Variants in SLC39A11 observed in about 807,000 individuals in gnomAD.
SLC39A11 encodes the protein solute carrier family 39 member 11.
Under a neutral mutation model 36.1 loss-of-function variants are expected in SLC39A11, and 33 were observed. That is an observed-to-expected ratio of 0.91 (90% CI 0.69 to 1.22). SLC39A11 has a LOEUF of 1.22. Among genes scored for constraint, SLC39A11 ranks in the 50% most tolerant of loss-of-function variants. SLC39A11 has a pLI of 0.00. For synonymous variants in SLC39A11, 166 were observed against 170.3 expected (o/e 0.97, Z 0.20); for missense variants, 432 against 430.3 (o/e 1.00, Z -0.03).
chr17:73,060,985 G>A (rs1344225762), intron 3 of SLC39A11, among the ~76,000 whole-genome samples: 1 of 152,144 alleles, frequency 6.6e-6, no homozygotes, highest in African/African-American at 2.4e-5. Context: ...ATATAGTTTT[G>A]TCTTCAAGGA....
intron 3 of SLC39A11, among the ~76,000 whole-genome samples, chr17:73,040,360 C>A (rs1444588072): frequency 6.6e-6 from 1 of 152,170 alleles, no homozygotes. Context: ...TGGTCTAAGT[C>A]TCTGAATAAA....
At chr17:72,678,894 G>A (rs1488013557) in intron 7 of SLC39A11, among the ~76,000 whole-genome samples, 4 of 152,128 alleles carry the variant, frequency 2.6e-5, no homozygotes, top group East Asian at 3.8e-4. Flanking sequence ...GAGAAAAATG[G>A]ATAAAGAAAA....
At chr17:73,034,411 A>G (rs1222619565) in intron 3 of SLC39A11, among the ~76,000 whole-genome samples, 1 of 152,190 alleles carries the variant, frequency 6.6e-6, no homozygotes, top group African/African-American at 2.4e-5. Context: ...TAGTAGAGAC[A>G]GGGTTTTGCC....
intron 6 of SLC39A11, among the ~76,000 whole-genome samples, chr17:72,802,590 C>CAAAAA (rs56050103): frequency 3.5e-5 from 4 of 112,738 alleles, no homozygotes; most frequent in Admixed American, 9.3e-5. Context: ...AACTCCATCT[C>CAAAAA]AAAAAAAAAA....
At chr17:72,805,649 A>G (rs952318810) in intron 6 of SLC39A11, among the ~76,000 whole-genome samples, 4 of 152,182 alleles carry the variant, frequency 2.6e-5, no homozygotes, top group Admixed American at 6.5e-5. Context: ...TACCTGATCA[A>G]TTCTTGTCAG....
chr17:72,977,068 G>A (rs909338621), intron 4 of SLC39A11, among the ~76,000 whole-genome samples: 4 of 152,234 alleles, frequency 2.6e-5, no homozygotes, highest in South Asian at 2.1e-4. Flanking sequence ...AAGATTACCC[G>A]GTTGGGCCTG....
rs117072614 is a variant in SLC39A11 at position 73,092,513 on chromosome 17, T to C, written c.-12+98A>G. ...GGCGTACCCCCTTCCAAGCTCCAGG[T>C]GGCTGCCCTTCCAAGTCCCACACTC... On this transcript the variant is annotated intron_variant, in intron 1 of 9. Coordinates refer to ENST00000255559, the MANE Select transcript of SLC39A11 (RefSeq NM_139177.4). 981 of 147,658 alleles carry C rather than the reference T, an allele frequency of 6.6e-3. 31 individuals are homozygous for C. In the South Asian group the frequency reaches 0.077, roughly 12 times the overall value. The allele number at this position is 147,658 out of a possible 1,614,324, so 9.1% of individuals were successfully genotyped here.
At chr17:72,969,515 A>G (rs1435088235) in intron 4 of SLC39A11, among the ~76,000 whole-genome samples, 1 of 152,112 alleles carries the variant, frequency 6.6e-6, no homozygotes, top group Non-Finnish European at 1.5e-5. Context: ...GAACCTTGAG[A>G]TGCCAACAAT....
intron 6 of SLC39A11, among the ~76,000 whole-genome samples, chr17:72,783,004 CAAAAAAAAAAA>C (rs34750819): frequency 3.7e-5 from 3 of 81,010 alleles, no homozygotes; most frequent in African/African-American, 1.3e-4. Flanking sequence ...TCTGTCTCAA[CAAAAAAAAAAA>C]AAAAAAAGAA....
rs181598372 is a variant in SLC39A11 at position 72,728,367 on chromosome 17, A to G, written c.671+8283T>C. 4.3e-4 allele frequency among the ~76,000 whole-genome samples: 66 copies of G among 152,172 alleles called. No individual in the cohort carries two copies. The South Asian group carries it at 6.6e-3, about 15-fold the overall frequency. ...TGAGGTGGGAGGATCGCTTGAGCCC[A>G]GGGGGTCGAGGGTGCAGTGAGCCAT... On this transcript the variant is annotated intron_variant, in intron 7 of 9. Transcript: ENST00000255559.
intron 6 of SLC39A11, among the ~76,000 whole-genome samples, chr17:72,845,235 C>T (rs2078998077): frequency 6.6e-6 from 1 of 152,216 alleles, no homozygotes; most frequent in African/African-American, 2.4e-5. Context: ...TGGCTCATCA[C>T]ACACAGAGCA....
In SLC39A11 at chr17:72,826,600, T is replaced by C. The variant is rs76768518; in HGVS notation, c.601+23034A>G. On this transcript the variant is annotated intron_variant, in intron 6 of 9. Coordinates refer to ENST00000255559, the MANE Select transcript of SLC39A11 (RefSeq NM_139177.4). ...TGTTTATAAACTTCCTGACATTTTA[T>C]ATAATATATCATAATTATGCATATC... 8.9e-4 allele frequency among the ~76,000 whole-genome samples: 136 copies of C among 152,340 alleles called. 1 individual carries two copies. The East Asian group carries it at 0.024, about 27-fold the overall frequency.
chr17:72,908,527 C>T (rs1219398527), intron 5 of SLC39A11, among the ~76,000 whole-genome samples: 1 of 152,308 alleles, frequency 6.6e-6, no homozygotes, highest in African/African-American at 2.4e-5. Context: ...GAGAACTGTC[C>T]AGAGAGCCCC....
intron 5 of SLC39A11, among the ~76,000 whole-genome samples, chr17:72,893,303 A>T (rs915224546): frequency 6.6e-6 from 1 of 152,162 alleles, no homozygotes; most frequent in Non-Finnish European, 1.5e-5. Flanking sequence ...TCTGCTAAAA[A>T]TACAAAAATT....
At chr17:73,009,552 A>G (rs2090396765) in intron 4 of SLC39A11, among the ~76,000 whole-genome samples, 1 of 152,122 alleles carries the variant, frequency 6.6e-6, no homozygotes, top group Non-Finnish European at 1.5e-5. Context: ...GGTGGAGAGT[A>G]AGCGAAGAAT....
chr17:72,762,741 C>T (rs982011746), intron 6 of SLC39A11, among the ~76,000 whole-genome samples: 2 of 152,124 alleles, frequency 1.3e-5, no homozygotes, highest in African/African-American at 2.4e-5. Context: ...GGGATTATTG[C>T]GTACCTCCTT....
At chr17:72,812,764 G>A (rs574885770) in intron 6 of SLC39A11, among the ~76,000 whole-genome samples, 2 of 152,164 alleles carry the variant, frequency 1.3e-5, no homozygotes, top group East Asian at 1.9e-4. Flanking sequence ...TAGCAAGTTC[G>A]TTCTTGTAAC....
At chr17:73,044,884 A>G (rs1355104624) in intron 3 of SLC39A11, among the ~76,000 whole-genome samples, 21 of 144,182 alleles carry the variant, frequency 1.5e-4, no homozygotes, top group African/African-American at 3.5e-4. Context: ...CTCAGAAAAA[A>G]AAAAAAAAAA....
chr17:72,786,932 G>A (rs1016233795), intron 6 of SLC39A11, among the ~76,000 whole-genome samples: 1 of 151,776 alleles, frequency 6.6e-6, no homozygotes, highest in African/African-American at 2.4e-5. Flanking sequence ...TGATTCTCCT[G>A]CCTCAGCCTC....
Sources: gnomAD v4.1 joint callset for allele counts (sites outside exome capture counted in the v4.1 genomes callset) on GRCh38, gnomAD v4.1.1 for gene constraint, MANE v1.5 for transcripts, NCBI Gene and HGNC (gene_info 2026-07-23, HGNC 2026-07-21) for gene names.